The following KCTD8 variants were observed in gnomAD, a reference collection of about 807,000 sequenced individuals.
KCTD8 encodes potassium channel tetramerization domain containing 8, also known as BTB/POZ domain-containing protein KCTD8.
Under a neutral mutation model 31.5 loss-of-function variants are expected in KCTD8, and 27 were observed. The observed-to-expected ratio is 0.86, with a 90% CI of 0.63 to 1.18. KCTD8 has a LOEUF of 1.18. KCTD8 is among the 50% of genes most tolerant of loss of function. The probability of loss-of-function intolerance (pLI) is 0.00; values close to 1 mark genes in which losing one functional copy is unlikely to be tolerated. For missense variants in KCTD8, 658 were observed against 647.7 expected (o/e 1.02, Z -0.17); for synonymous variants, 290 against 280.0 (o/e 1.04, Z -0.36).
At chr4:44,235,624 C>T (rs1009190619) in intron 1 of KCTD8, among the ~76,000 whole-genome samples, 3 of 138,452 alleles carry the variant, frequency 2.2e-5, no homozygotes, top group Non-Finnish European at 3.1e-5. Flanking sequence ...AATCCACTGT[C>T]TGCAGAAACT....
intron 1 of KCTD8, among the ~76,000 whole-genome samples, chr4:44,409,454 T>C (rs1028941708): frequency 2.6e-5 from 4 of 152,146 alleles, no homozygotes; most frequent in African/African-American, 9.7e-5. Context: ...CTCGAGTGTT[T>C]GAGCTGGAAG....
chr4:44,401,033 T>TG (rs1021085413), intron 1 of KCTD8, among the ~76,000 whole-genome samples: 1 of 139,216 alleles, frequency 7.2e-6, no homozygotes, highest in African/African-American at 2.6e-5. Context: ...TTTTTTTTTT[T>TG]GTAGAGATGG....
At chr4:44,183,478 GC>G (rs1300943519) in intron 1 of KCTD8, among the ~76,000 whole-genome samples, 1 of 152,048 alleles carries the variant, frequency 6.6e-6, no homozygotes, top group Non-Finnish European at 1.5e-5. Context: ...ATCACAATAG[GC>G]CCAAACTTGT....
chr4:44,333,040 T>G (rs1718630873), intron 1 of KCTD8, among the ~76,000 whole-genome samples: 1 of 152,104 alleles, frequency 6.6e-6, no homozygotes, highest in Admixed American at 6.6e-5. Flanking sequence ...ACTATTTGTA[T>G]CAATTGGCCA....
At chr4:44,333,332 T>G (rs746246095) in intron 1 of KCTD8, among the ~76,000 whole-genome samples, 8 of 151,994 alleles carry the variant, frequency 5.3e-5, no homozygotes, top group Non-Finnish European at 8.8e-5. Context: ...CTTTAATAAG[T>G]CGCAAGCAAA....
At chr4:44,200,753 A>C (rs1714119336) in intron 1 of KCTD8, among the ~76,000 whole-genome samples, 1 of 152,078 alleles carries the variant, frequency 6.6e-6, no homozygotes. Context: ...GAATAAGACA[A>C]GGATGTCCAT....
At chr4:44,242,936 T>A (rs528199914) in intron 1 of KCTD8, among the ~76,000 whole-genome samples, 3 of 152,278 alleles carry the variant, frequency 2.0e-5, no homozygotes, top group Admixed American at 2.0e-4. Flanking sequence ...GATGACAATG[T>A]CATGCTTGTA....
intron 1 of KCTD8, among the ~76,000 whole-genome samples, chr4:44,341,725 C>T (rs1039526473): frequency 1.3e-5 from 2 of 152,152 alleles, no homozygotes; most frequent in African/African-American, 4.8e-5. Context: ...TTACTTCCTC[C>T]ACTGAAGTTT....
intron 1 of KCTD8, among the ~76,000 whole-genome samples, chr4:44,272,141 A>ATATATATATATATAT (rs1716631369): frequency 2.0e-5 from 3 of 149,690 alleles, no homozygotes; most frequent in African/African-American, 7.4e-5. Flanking sequence ...ATATATATAT[A>ATATATATATATATAT]AATGCTGAAC....
In KCTD8 at chr4:44,448,647, G is replaced by C; in HGVS notation, c.-124C>G. ...CTCGGACTGGGCGGCGCGTTCCTCC[G>C]ACCGGGGCGGCCCCGCTCAGGGTTC... On this transcript the variant is annotated 5_prime_UTR_variant, in exon 1 of 2. Coordinates refer to ENST00000360029, the MANE Select transcript of KCTD8 (RefSeq NM_198353.3). The surrounding 1 kb of genome is among the most constrained non-coding windows in gnomAD (Gnocchi z 4.1). The C allele has an allele frequency of 1.9e-6, 2 of 1,080,228 alleles. No individual in the cohort carries two copies. The highest frequency in any genetic ancestry group is 2.4e-6 in the Non-Finnish European group (2 of 842,238). The allele number at this position is 1,080,228 out of a possible 1,614,324, so 66.9% of individuals were successfully genotyped here.
intron 1 of KCTD8, among the ~76,000 whole-genome samples, chr4:44,404,999 A>G (rs1720752538): frequency 6.6e-6 from 1 of 152,186 alleles, no homozygotes; most frequent in Non-Finnish European, 1.5e-5. Flanking sequence ...GCTAAAAGAA[A>G]TTACAGTTCA....
In KCTD8 at chr4:44,448,644, T is replaced by G; in HGVS notation, c.-121A>C. ...GCCCTCGGACTGGGCGGCGCGTTCCTCCGACCGGGGCGGCCCCGCTCAGGG... is the reference window on the plus strand; with the variant it reads ...GCCCTCGGACTGGGCGGCGCGTTCCGCCGACCGGGGCGGCCCCGCTCAGGG... On this transcript the variant is annotated 5_prime_UTR_variant, in exon 1 of 2. Transcript: ENST00000360029. The surrounding 1 kb of genome is among the most constrained non-coding windows in gnomAD (Gnocchi z 4.1). 1 of 1,092,822 alleles carries G rather than the reference T, an allele frequency of 9.2e-7. No homozygotes were observed. 67.7% of individuals were successfully genotyped at this position (1,092,822 alleles called of 1,614,324 possible).
chr4:44,371,772 C>G (rs1187859663), intron 1 of KCTD8, among the ~76,000 whole-genome samples: 1 of 152,184 alleles, frequency 6.6e-6, no homozygotes, highest in African/African-American at 2.4e-5. Flanking sequence ...GAATCCCCAA[C>G]TCAGGTCATG....
At chr4:44,217,743 C>T (rs1385883565) in intron 1 of KCTD8, among the ~76,000 whole-genome samples, 1 of 152,188 alleles carries the variant, frequency 6.6e-6, no homozygotes, top group African/African-American at 2.4e-5. Flanking sequence ...TGGATGCTTC[C>T]ATCCATTCTT....
At chr4:44,442,096 G>T (rs1161222004) in intron 1 of KCTD8, among the ~76,000 whole-genome samples, 1 of 151,884 alleles carries the variant, frequency 6.6e-6, no homozygotes, top group African/African-American at 2.4e-5. Flanking sequence ...TTTTATCTAT[G>T]TGTACACAGA....
intron 1 of KCTD8, among the ~76,000 whole-genome samples, chr4:44,390,685 A>G (rs1379597906): frequency 1.3e-5 from 2 of 151,876 alleles, no homozygotes; most frequent in African/African-American, 4.8e-5. Context: ...ATAACGCGAT[A>G]CCACCTTATT....
At chr4:44,299,330 C>A (rs554481476) in intron 1 of KCTD8, among the ~76,000 whole-genome samples, 12 of 152,184 alleles carry the variant, frequency 7.9e-5, no homozygotes, top group South Asian at 2.1e-4. Flanking sequence ...ACCCACCAAG[C>A]CTTCTTCCAT....
intron 1 of KCTD8, among the ~76,000 whole-genome samples, chr4:44,203,270 A>T (rs1714202456): frequency 6.6e-6 from 1 of 152,162 alleles, no homozygotes; most frequent in South Asian, 2.1e-4. Flanking sequence ...TGGGAGGCCA[A>T]GGTGGGTTGA....
At chr4:44,212,321 G>T (rs1714513005) in intron 1 of KCTD8, among the ~76,000 whole-genome samples, 1 of 152,108 alleles carries the variant, frequency 6.6e-6, no homozygotes, top group African/African-American at 2.4e-5. Context: ...ATGCAGGGAG[G>T]GTACATAGGA....
Sources: allele counts gnomAD v4.1 joint callset (sites outside exome capture counted in the v4.1 genomes callset), GRCh38; gene constraint gnomAD v4.1.1; non-coding constraint Gnocchi (gnomAD v3.1); transcripts MANE v1.5; gene names NCBI Gene and HGNC (gene_info 2026-07-23, HGNC 2026-07-21).